NSG1: variants seen among roughly 807,000 people sequenced by gnomAD.
The protein encoded by NSG1 is neuronal vesicle trafficking associated 1.
Under a neutral mutation model 19.3 loss-of-function variants are expected in NSG1, and 9 were observed. The observed-to-expected ratio is 0.47, with a 90% CI of 0.28 to 0.81. The LOEUF is 0.81. NSG1 is among the 40% of genes least tolerant of loss of function. The pLI is 0.11. For synonymous variants in NSG1, 104 were observed against 107.0 expected, an observed-to-expected ratio of 0.97 and a Z score of 0.17; for missense variants, 236 against 242.4, an observed-to-expected ratio of 0.97 and a Z score of 0.18.
intron 3 of NSG1, among the ~76,000 whole-genome samples, chr4:4,395,463 G>A (rs768390772): frequency 4.6e-5 from 7 of 152,188 alleles, no homozygotes; most frequent in Non-Finnish European, 1.0e-4. Context: ...TTATTACCCA[G>A]TTAGATTTCT....
chr4:4,403,115 C>G (rs937934901), intron 3 of NSG1, among the ~76,000 whole-genome samples: 12 of 151,284 alleles, frequency 7.9e-5, no homozygotes, highest in African/African-American at 2.4e-4. Flanking sequence ...CTCACTCACT[C>G]GCTGAACGTG....
At chr4:4,409,498 C>G (rs1197764659) in intron 3 of NSG1, 75 bp from the exon 4 acceptor site, 1 of 1,042,294 alleles carries the variant, frequency 9.6e-7, no homozygotes, top group Non-Finnish European at 1.5e-6. Flanking sequence ...TGGGGGGGGG[C>G]CTTCGTGTGC....
At chr4:4,415,242 T>G (rs1435239554) in intron 4 of NSG1, among the ~76,000 whole-genome samples, 1 of 152,100 alleles carries the variant, frequency 6.6e-6, no homozygotes, top group Non-Finnish European at 1.5e-5. Context: ...GCTGACTGAG[T>G]GCTGGGTGCT....
chr4:4,397,935 C>T (rs1401014050), intron 3 of NSG1, among the ~76,000 whole-genome samples: 1 of 152,064 alleles, frequency 6.6e-6, no homozygotes, highest in Non-Finnish European at 1.5e-5. Context: ...CTCCTCTGGC[C>T]CATTCTTTAT....
chr4:4,387,523 C>A (rs975021803), intron 1 of NSG1, 81 bp from the exon 2 acceptor site: 2 of 951,188 alleles, frequency 2.1e-6, no homozygotes, highest in Non-Finnish European at 3.1e-6. Flanking sequence ...GCCGGGACGC[C>A]GGTGGGTGTG....
At chr4:4,397,403 C>T (rs937844606) in intron 3 of NSG1, among the ~76,000 whole-genome samples, 3 of 152,138 alleles carry the variant, frequency 2.0e-5, no homozygotes, top group African/African-American at 7.2e-5. Context: ...AGGAACAGAC[C>T]CAAGGTCACC....
chr4:4,417,171 C>A, intron 4 of NSG1, 64 bp from the exon 5 acceptor site: 1 of 1,416,140 alleles, frequency 7.1e-7, no homozygotes, highest in Non-Finnish European at 1.0e-6. Context: ...TGGCTGCCAA[C>A]TGGAGACACA....
rs368860480 is a variant in NSG1 at position 4,391,521 on chromosome 4, G to C, written c.176G>C (p.Gly59Ala). Residue 59 changes from glycine to alanine, a missense_variant, in exon 3 of 5, where the codon GGG (glycine) becomes GCG (alanine). Coordinates refer to ENST00000621129, the MANE Select transcript of NSG1 (RefSeq NM_014392.5). The stretch of plus-strand genomic sequence containing the variant: ...GAGTATGAACCTGACCGCAAGAAAG[G>C]GAAAGCACGTCCTCCCCAAATTGCT... ...KTEYEPDRKK[G>A]KARPPQIAEF... 3.2e-5 allele frequency: 52 copies of C among 1,613,790 alleles called. No individual in the cohort carries two copies. The highest frequency in any genetic ancestry group is 1.7e-4 in the Middle Eastern group (1 of 6,054).
intron 3 of NSG1, among the ~76,000 whole-genome samples, chr4:4,407,648 T>C (rs1453453604): frequency 6.6e-6 from 1 of 151,880 alleles, no homozygotes; most frequent in East Asian, 1.9e-4. Flanking sequence ...TCGGGGACAA[T>C]TGTGAGGCCT....
At chr4:4,413,317 CAGG>C (rs1577296446) in intron 4 of NSG1, among the ~76,000 whole-genome samples, 1 of 151,478 alleles carries the variant, frequency 6.6e-6, no homozygotes, top group African/African-American at 2.4e-5. Context: ...AGCGGGTCTC[CAGG>C]AGGTGAGCCA....
intron 4 of NSG1, chr4:4,416,167 A>C (rs1220045422): frequency 5.7e-6 from 4 of 702,216 alleles, no homozygotes; most frequent in African/African-American, 3.5e-5. Flanking sequence ...GAGGGACCTG[A>C]GATTGAGAGA....
At chr4:4,388,725 C>T (rs1246057983) in intron 2 of NSG1, among the ~76,000 whole-genome samples, 3 of 147,900 alleles carry the variant, frequency 2.0e-5, no homozygotes, top group Non-Finnish European at 4.5e-5. Flanking sequence ...TTGGTGATTG[C>T]TGACGGGGTG....
intron 2 of NSG1, among the ~76,000 whole-genome samples, chr4:4,389,003 T>G (rs541387966): frequency 2.6e-4 from 40 of 152,324 alleles, no homozygotes; most frequent in Admixed American, 1.8e-3. Flanking sequence ...CACCCCTCCC[T>G]GTCTAGGCAT....
chr4:4,407,870 C>T (rs999160833), intron 3 of NSG1, among the ~76,000 whole-genome samples: 4 of 152,212 alleles, frequency 2.6e-5, no homozygotes, highest in South Asian at 2.1e-4. Flanking sequence ...GCAGAATCTG[C>T]ACCCTGGGCC....
At chr4:4,403,762 C>A (rs1361744696) in intron 3 of NSG1, among the ~76,000 whole-genome samples, 1 of 152,238 alleles carries the variant, frequency 6.6e-6, no homozygotes, top group African/African-American at 2.4e-5. Flanking sequence ...GTCAGTAATA[C>A]TGCCTTGCAG....
chr4:4,413,175 A>G (rs1212967115), intron 4 of NSG1, among the ~76,000 whole-genome samples: 2 of 151,988 alleles, frequency 1.3e-5, no homozygotes, highest in Non-Finnish European at 2.9e-5. Flanking sequence ...AGGCTCTTAC[A>G]TTCTCAAATG....
intron 3 of NSG1, among the ~76,000 whole-genome samples, chr4:4,395,320 C>T (rs1336751503): frequency 6.6e-6 from 1 of 152,154 alleles, no homozygotes; most frequent in Admixed American, 6.5e-5. Context: ...CCAGGTGATC[C>T]TAATGTGTCC....
At chr4:4,392,178 G>C (rs1350824273) in intron 3 of NSG1, among the ~76,000 whole-genome samples, 2 of 151,778 alleles carry the variant, frequency 1.3e-5, no homozygotes, top group Non-Finnish European at 1.5e-5. Flanking sequence ...ATCCCAATGG[G>C]ATGAAGGGGT....
chr4:4,391,415 C>T (rs1468931200), intron 2 of NSG1, 60 bp from the exon 3 acceptor site: 5 of 1,142,458 alleles, frequency 4.4e-6, no homozygotes, highest in African/African-American at 3.1e-5. Flanking sequence ...CCAGACCCAC[C>T]CTCTTTGGGC....
Sources: gnomAD v4.1 joint callset for allele counts (sites outside exome capture counted in the v4.1 genomes callset) on GRCh38, gnomAD v4.1.1 for gene constraint, MANE v1.5 for transcripts, NCBI Gene and HGNC (gene_info 2026-07-23, HGNC 2026-07-21) for gene names.